Variants in MAP7 observed in about 807,000 individuals in gnomAD.
MAP7 encodes the protein ensconsin.
Under a neutral mutation model 94.8 loss-of-function variants are expected in MAP7, and 52 were observed. That is an observed-to-expected ratio of 0.55 (90% CI 0.44 to 0.69). MAP7 has a LOEUF of 0.69. MAP7 is among the 30% of genes least tolerant of loss of function. The probability of loss-of-function intolerance (pLI) is 0.00; values close to 1 mark genes in which losing one functional copy is unlikely to be tolerated. For missense variants in MAP7, 940 were observed against 964.6 expected (o/e 0.97, Z 0.34); for synonymous variants, 350 against 357.0 (o/e 0.98, Z 0.22).
intron 1 of MAP7, among the ~76,000 whole-genome samples, chr6:136,503,158 A>G (rs1315209998): frequency 6.6e-6 from 1 of 152,212 alleles, no homozygotes; most frequent in Admixed American, 6.5e-5. Flanking sequence ...AAAGTTTTCA[A>G]TACATGCTCT....
intron 2 of MAP7, among the ~76,000 whole-genome samples, chr6:136,416,780 T>G (rs893528797): frequency 6.6e-6 from 1 of 150,404 alleles, no homozygotes; most frequent in African/African-American, 2.5e-5. Flanking sequence ...CACTCCAGCA[T>G]GGGTGACAGG....
intron 7 of MAP7, among the ~76,000 whole-genome samples, chr6:136,375,127 AAGTAGTTGAAATGT>A (rs1289684070): frequency 6.6e-6 from 1 of 152,204 alleles, no homozygotes; most frequent in Non-Finnish European, 1.5e-5. Context: ...AATGCAGGTC[AAGTAGTTGAAATGT>A]AGCATAGCAA....
At chr6:136,344,694 C>G (rs1049694088) in intron 17 of MAP7, among the ~76,000 whole-genome samples, 2 of 152,134 alleles carry the variant, frequency 1.3e-5, no homozygotes, top group African/African-American at 2.4e-5. Flanking sequence ...TCGGATTGTT[C>G]CCAAAGGCTT....
chr6:136,476,683 A>T lies in MAP7; in HGVS notation c.68-54884T>A, dbSNP rs1461916155. Among the ~76,000 whole-genome samples, 8 of 152,324 alleles carry T rather than the reference A, an allele frequency of 5.3e-5. No homozygotes were observed. The South Asian group carries it at 1.2e-3, about 24-fold the overall frequency. Reference sequence around the variant, plus strand: ...CTATCACACCTGCTCCAGGAATTCCACTGTGTAAGAGAAAAGGAATCAGTT... The same window carrying T: ...CTATCACACCTGCTCCAGGAATTCCTCTGTGTAAGAGAAAAGGAATCAGTT... On this transcript the variant is annotated intron_variant, in intron 1 of 17. Coordinates refer to ENST00000354570, the MANE Select transcript of MAP7 (RefSeq NM_003980.6).
chr6:136,366,490 ACACT>A, intron 8 of MAP7, 51 bp from the exon 9 acceptor site: 3 of 1,246,910 alleles, frequency 2.4e-6, no homozygotes, highest in South Asian at 1.2e-5. Flanking sequence ...CGAGGCAAAC[ACACT>A]CACAATACTC....
At chr6:136,513,602 T>A (rs1823885442) in intron 1 of MAP7, among the ~76,000 whole-genome samples, 1 of 152,132 alleles carries the variant, frequency 6.6e-6, no homozygotes, top group African/African-American at 2.4e-5. Context: ...TACAAACACC[T>A]GTTAATGTTG....
At chr6:136,478,740 C>G (rs1811740784) in intron 1 of MAP7, among the ~76,000 whole-genome samples, 1 of 151,554 alleles carries the variant, frequency 6.6e-6, no homozygotes, top group African/African-American at 2.4e-5. Flanking sequence ...CAAAGTTGAA[C>G]CATGAGGAAA....
chr6:136,374,816 A>G (rs1775594877), intron 7 of MAP7, among the ~76,000 whole-genome samples: 1 of 152,214 alleles, frequency 6.6e-6, no homozygotes, highest in Admixed American at 6.5e-5. Context: ...TTGTAAGGAT[A>G]TTAGATTTCA....
intron 1 of MAP7, 129 bp from the exon 2 acceptor site, chr6:136,421,928 G>A (rs751488451): frequency 1.0e-4 from 69 of 676,954 alleles, no homozygotes; most frequent in Admixed American, 4.4e-4. Context: ...GAAATGAAAA[G>A]ATGAAGTAGT....
At chr6:136,450,010 C>A (rs577483119) in intron 1 of MAP7, among the ~76,000 whole-genome samples, 1 of 152,000 alleles carries the variant, frequency 6.6e-6, no homozygotes, top group African/African-American at 2.4e-5. Flanking sequence ...ACCAACATGG[C>A]GAAACCTTGT....
In MAP7 at chr6:136,377,885, A is replaced by C; in HGVS notation, c.638-17T>G. 1 of 1,570,780 alleles carries C rather than the reference A, an allele frequency of 6.4e-7. No individual in the cohort carries two copies. The highest frequency in any genetic ancestry group is 8.8e-7 in the Non-Finnish European group (1 of 1,141,262). ...GGCGGCGAGCTAAACGTCACCACAT[A>C]AGCAAGATGTTAGAAGCATTCTTTT... On this transcript the variant is annotated splice_polypyrimidine_tract_variant and intron_variant, in intron 6 of 17. Transcript: ENST00000354570.
chr6:136,394,851 A>C (rs1379054599), intron 3 of MAP7, among the ~76,000 whole-genome samples: 1 of 144,514 alleles, frequency 6.9e-6, no homozygotes, highest in Admixed American at 7.1e-5. Context: ...TCTTACTTCT[A>C]AGACAGTGAC....
At chr6:136,475,962 C>T (rs913755812) in intron 1 of MAP7, 1 of 152,188 alleles carries the variant, frequency 6.6e-6, no homozygotes, top group Non-Finnish European at 1.5e-5. Flanking sequence ...TCTGTTGAAA[C>T]ATACATTCTA....
At chr6:136,522,928 AG>A (rs1826819113) in intron 1 of MAP7, among the ~76,000 whole-genome samples, 1 of 152,156 alleles carries the variant, frequency 6.6e-6, no homozygotes, top group Admixed American at 6.5e-5. Flanking sequence ...CCAGCTATTA[AG>A]GAGGTTGAGG....
At chr6:136,528,938 T>C (rs1562490676) in intron 1 of MAP7, among the ~76,000 whole-genome samples, 2 of 151,196 alleles carry the variant, frequency 1.3e-5, no homozygotes, top group Non-Finnish European at 2.9e-5. Context: ...CAATCTTTAA[T>C]GGATATAGGG....
chr6:136,515,710 T>G (rs1040411729), intron 1 of MAP7, among the ~76,000 whole-genome samples: 1 of 152,242 alleles, frequency 6.6e-6, no homozygotes, highest in Non-Finnish European at 1.5e-5. Flanking sequence ...TATGTGGGCA[T>G]GGTTTGTAGC....
At chr6:136,366,722 T>C (rs1794423910) in intron 8 of MAP7, among the ~76,000 whole-genome samples, 1 of 151,958 alleles carries the variant, frequency 6.6e-6, no homozygotes, top group South Asian at 2.1e-4. Context: ...GCACCTATAC[T>C]TTGTGTCTAA....
At chr6:136,351,270 A>G (rs1789135490) in intron 16 of MAP7, among the ~76,000 whole-genome samples, 2 of 152,112 alleles carry the variant, frequency 1.3e-5, no homozygotes, top group African/African-American at 4.8e-5. Context: ...AACAAAAAAA[A>G]GCCAATAAAA....
chr6:136,419,977 A>G (rs1790745568), intron 2 of MAP7: 1 of 711,528 alleles, frequency 1.4e-6, no homozygotes, highest in South Asian at 1.5e-5. Context: ...TCTGGTTACA[A>G]TAACTGCAAA....
Sources: gnomAD v4.1 joint callset for allele counts (sites outside exome capture counted in the v4.1 genomes callset) on GRCh38, gnomAD v4.1.1 for gene constraint, MANE v1.5 for transcripts, NCBI Gene and HGNC (gene_info 2026-07-23, HGNC 2026-07-21) for gene names.